The following MYOM1 variants were observed in gnomAD, a reference collection of about 807,000 sequenced individuals.
MYOM1 encodes the protein myomesin 1, also known as myomesin-1.
Under a neutral mutation model 205.3 loss-of-function variants are expected in MYOM1, and 164 were observed. The ratio of observed to expected loss-of-function variants is 0.80; its 90% CI spans 0.70 to 0.91. MYOM1 has a LOEUF of 0.91. MYOM1 is among the 40% of genes least tolerant of loss of function. The probability of loss-of-function intolerance (pLI) is 0.00; values close to 1 mark genes in which losing one functional copy is unlikely to be tolerated. For synonymous variants in MYOM1, 772 were observed against 789.4 expected, an observed-to-expected ratio of 0.98 and a Z score of 0.37; for missense variants, 2,011 against 2,127.3, an observed-to-expected ratio of 0.95 and a Z score of 1.08.
At chr18:3,148,709 A>C (rs112149707) in intron 13 of MYOM1, among the ~76,000 whole-genome samples, 3 of 150,982 alleles carry the variant, frequency 2.0e-5, no homozygotes, top group East Asian at 1.9e-4. Context: ...AGCCAGGCGT[A>C]GTGGCGGGCG....
Position 3,215,007 on chromosome 18 carries a change from CCTG to C in MYOM1, c.214_216del (p.Gln72del). ...TCAGAGCTCAGGGCGTGCTGCGAGG[CCTG>C]CTGCTGGGAGGAGGAGGCGGACGCC... On this transcript the variant is annotated inframe_deletion, in exon 2 of 38. Coordinates refer to ENST00000356443, the MANE Select transcript of MYOM1 (RefSeq NM_003803.4). 1.2e-6 allele frequency: 2 copies of C among 1,612,092 alleles called. No homozygotes were observed. The highest frequency in any genetic ancestry group is 1.7e-6 in the Non-Finnish European group (2 of 1,179,006).
chr18:3,199,852 A>T (rs75712497), intron 2 of MYOM1, among the ~76,000 whole-genome samples: 14 of 151,976 alleles, frequency 9.2e-5, no homozygotes, highest in African/African-American at 3.1e-4. Flanking sequence ...AAAAAAAAAA[A>T]TTACCTGCAC....
intron 6 of MYOM1, among the ~76,000 whole-genome samples, chr18:3,175,647 T>C (rs1386295535): frequency 6.6e-6 from 1 of 152,186 alleles, no homozygotes; most frequent in Admixed American, 6.5e-5. Flanking sequence ...CCTTTAGTTA[T>C]TAAAAACAAG....
rs773293073 is a variant in MYOM1 at position 3,131,393 on chromosome 18, C to T, written c.2488G>A (p.Glu830Lys). 10 of 1,613,764 alleles carry T rather than the reference C, an allele frequency of 6.2e-6. No individual in the cohort carries two copies. Among genetic ancestry groups the T allele is most frequent in the African/African-American group, 2.7e-5 (2 of 74,916 alleles). ...AACTTACCAATAGCAGCTTTGACTT[C>T]AATAGCTTCTGAATCCTGGGAATAT... Reference protein sequence around the residue: ...SEYSQDSEAIEVKAAIGGGVS... With the variant: ...SEYSQDSEAIKVKAAIGGGVS... Residue 830 changes from glutamate to lysine, a missense_variant, in exon 17 of 38, where the codon GAA becomes AAA. Coordinates refer to ENST00000356443, the MANE Select transcript of MYOM1 (RefSeq NM_003803.4).
intron 27 of MYOM1, among the ~76,000 whole-genome samples, chr18:3,090,133 G>A (rs2079203154): frequency 6.6e-6 from 1 of 151,916 alleles, no homozygotes; most frequent in African/African-American, 2.4e-5. Flanking sequence ...TTGCCTGTGA[G>A]CTAGGAATAA....
Position 3,086,019 on chromosome 18 carries a change from T to C in MYOM1, c.4251+19A>G. 2 of 1,479,192 alleles carry C rather than the reference T, an allele frequency of 1.4e-6. No homozygotes were observed. The highest frequency in any genetic ancestry group is 2.3e-5 in the South Asian group (2 of 88,070). The allele number at this position is 1,479,192 out of a possible 1,614,324, so 91.6% of individuals were successfully genotyped here. A position where few individuals can be genotyped will look rare whatever the true frequency, so the allele number is the denominator to read the frequency against. ...GGTAGAGAGCTAATATATTACATTT[T>C]ACATTTATAATCGCCTACCTCTGTT... On this transcript the variant is annotated intron_variant, in intron 30 of 37. Coordinates refer to ENST00000356443, the MANE Select transcript of MYOM1 (RefSeq NM_003803.4).
At chr18:3,238,068 A>T in the MYOM1 span, among the ~76,000 whole-genome samples, 1 of 152,174 alleles carries the variant, frequency 6.6e-6, no homozygotes, top group Non-Finnish European at 1.5e-5. Context: ...TTACATTGTA[A>T]TATATAATGA....
At chr18:3,203,962 T>A (rs1441944621) in intron 2 of MYOM1, among the ~76,000 whole-genome samples, 1 of 151,820 alleles carries the variant, frequency 6.6e-6, no homozygotes, top group Non-Finnish European at 1.5e-5. Flanking sequence ...CATATGAAAA[T>A]CAGTCAGTGT....
chr18:3,175,295 A>C (rs2144094741), intron 6 of MYOM1, among the ~76,000 whole-genome samples: 1 of 152,266 alleles, frequency 6.6e-6, no homozygotes, highest in East Asian at 1.9e-4. Flanking sequence ...CTGAGAATGA[A>C]TGGTATAAAT....
chr18:3,112,906 T>C (rs1229763349), intron 21 of MYOM1, among the ~76,000 whole-genome samples: 3 of 152,192 alleles, frequency 2.0e-5, no homozygotes, highest in Non-Finnish European at 4.4e-5. Flanking sequence ...TTTAAAAGCA[T>C]GTTAAACTAC....
intron 22 of MYOM1, among the ~76,000 whole-genome samples, chr18:3,105,424 T>G (rs748543542): frequency 6.6e-6 from 1 of 152,226 alleles, no homozygotes; most frequent in South Asian, 2.1e-4. Flanking sequence ...CATCAGAAAG[T>G]CTTAAATGAA....
intron 12 of MYOM1, among the ~76,000 whole-genome samples, chr18:3,149,636 C>A (rs921715866): frequency 6.6e-6 from 1 of 152,038 alleles, no homozygotes; most frequent in African/African-American, 2.4e-5. Flanking sequence ...GAGGGGGTGC[C>A]GATCCTGCGG....
chr18:3,100,991 G>T (rs933438368), intron 23 of MYOM1, among the ~76,000 whole-genome samples: 2 of 152,154 alleles, frequency 1.3e-5, no homozygotes, highest in South Asian at 2.1e-4. Context: ...TGGCTCAGTG[G>T]CCAAGTTCAC....
intron 18 of MYOM1, among the ~76,000 whole-genome samples, chr18:3,127,305 ATTT>A (rs1555620545): frequency 3.8e-4 from 18 of 47,550 alleles, no homozygotes; most frequent in African/African-American, 1.0e-3. Context: ...ATATATATAT[ATTT>A]TTTTTTTTTT....
At chr18:3,113,290 GTT>G (rs752142677) in intron 21 of MYOM1, among the ~76,000 whole-genome samples, 8,940 of 35,624 alleles carry the variant, frequency 0.25, 386 homozygotes, top group Non-Finnish European at 0.26. Flanking sequence ...GTGTGTATGT[GTT>G]TGTGTCTATA....
upstream of MYOM1, among the ~76,000 whole-genome samples, chr18:3,222,891 TC>T (rs532834657): frequency 3.1e-3 from 472 of 152,218 alleles, 3 homozygotes; most frequent in African/African-American, 0.011. Context: ...ATTTTTTTTT[TC>T]TTTTTGAGAC....
At chr18:3,245,639 T>C in the MYOM1 span, among the ~76,000 whole-genome samples, 3 of 152,330 alleles carry the variant, frequency 2.0e-5, no homozygotes, top group East Asian at 5.8e-4. Context: ...AATGAATGAA[T>C]GAACACAGAC....
intron 5 of MYOM1, among the ~76,000 whole-genome samples, chr18:3,176,412 C>T (rs540120118): frequency 2.0e-5 from 3 of 151,932 alleles, no homozygotes; most frequent in Middle Eastern, 3.4e-3. Context: ...ACATAGTTAC[C>T]GAAAAAAGCC....
In MYOM1 at chr18:3,215,199, A is replaced by G; in HGVS notation, c.25T>C (p.Cys9Arg). 1.2e-6 allele frequency: 2 copies of G among 1,611,922 alleles called. No individual in the cohort carries two copies. Among genetic ancestry groups the G allele is most frequent in the Non-Finnish European group, 1.7e-6 (2 of 1,178,956 alleles). The change falls in exon 2 of 38, where the codon TGC (cysteine) becomes CGC (arginine). Residue 9 changes from cysteine to arginine, a missense_variant. Coordinates refer to ENST00000356443, the MANE Select transcript of MYOM1 (RefSeq NM_003803.4). The stretch of plus-strand genomic sequence containing the variant: ...TAGCTGAGATCATAGTGCTGGTGGC[A>G]CCTCTGATAAAAAGGCAAAGACATC... The part of the protein sequence containing the change: MSLPFYQR[C>R]HQHYDLSYRN...
Sources: gnomAD v4.1 joint callset for allele counts (sites outside exome capture counted in the v4.1 genomes callset) on GRCh38, gnomAD v4.1.1 for gene constraint, MANE v1.5 for transcripts, NCBI Gene and HGNC (gene_info 2026-07-23, HGNC 2026-07-21) for gene names.